PRKDC: variants seen among roughly 807,000 people sequenced by gnomAD.
PRKDC encodes protein kinase, DNA-activated, catalytic subunit.
Under a neutral mutation model 486.9 loss-of-function variants are expected in PRKDC, and 82 were observed. The ratio of observed to expected loss-of-function variants is 0.17; its 90% CI spans 0.14 to 0.20. PRKDC has a LOEUF of 0.20. PRKDC is among the 10% of genes least tolerant of loss of function. PRKDC has a pLI of 1.00. For missense variants in PRKDC, 4,504 were observed against 5,038.2 expected (o/e 0.89, Z 3.21); for synonymous variants, 1,895 against 1,837.0 (o/e 1.03, Z -0.81).
Position 47,890,694 on chromosome 8 carries a change from C to T in PRKDC, c.3848-214G>A, listed in dbSNP as rs1279848376. ...ATTGATGGAAAGTCAGGTCTTTATT[C>T]CCAAACATTACATGTGAGAAGATAA... On this transcript the variant is annotated intron_variant, in intron 31 of 85. Transcript: ENST00000314191. 5.3e-5 allele frequency among the ~76,000 whole-genome samples: 8 copies of T among 152,210 alleles called. No homozygotes were observed. In the South Asian group the frequency reaches 1.7e-3, roughly 32 times the overall value.
chr8:47,829,073 A>C (rs992727297), intron 61 of PRKDC, among the ~76,000 whole-genome samples: 5 of 152,252 alleles, frequency 3.3e-5, no homozygotes, highest in African/African-American at 4.8e-5. Flanking sequence ...AAGCATGATA[A>C]ATAAAGTTTA....
In PRKDC at chr8:47,840,226, A is replaced by G. The variant is rs8178174; in HGVS notation, c.7281-37T>C. 293 of 1,512,780 alleles carry G rather than the reference A, an allele frequency of 1.9e-4. No individual in the cohort carries two copies. In the African/African-American group the frequency reaches 3.7e-3, roughly 19 times the overall value. The allele number at this position is 1,512,780 out of a possible 1,614,324, so 93.7% of individuals were successfully genotyped here. A position where few individuals can be genotyped will look rare whatever the true frequency, so the allele number is the denominator to read the frequency against. ...ATTTTAAAAACACACAAATTTAGCT[A>G]TTTTTATTATTGCACTTTCAAAGTA... On this transcript the variant is annotated intron_variant, in intron 54 of 85. Transcript: ENST00000314191.
At chr8:47,930,647 A>C (rs996924650) in intron 17 of PRKDC, 25 bp downstream of exon 17, 1 of 1,526,244 alleles carries the variant, frequency 6.6e-7, no homozygotes, top group Non-Finnish European at 8.9e-7. Context: ...TTTCATTCTT[A>C]AATAATTAGA....
chr8:47,908,594 G>A (rs768917475), intron 25 of PRKDC, among the ~76,000 whole-genome samples: 5 of 152,130 alleles, frequency 3.3e-5, no homozygotes, highest in African/African-American at 4.8e-5. Flanking sequence ...GAAATGCTAC[G>A]AGTCTACTTT....
chr8:47,833,320 G>A (rs1389742350), intron 59 of PRKDC, among the ~76,000 whole-genome samples: 1 of 152,186 alleles, frequency 6.6e-6, no homozygotes, highest in Non-Finnish European at 1.5e-5. Flanking sequence ...GTTCTTCTAA[G>A]TTTACTTCCA....
At chr8:47,832,026 G>A (rs922755443) in intron 59 of PRKDC, 100 bp from the exon 60 acceptor site, 4 of 1,063,988 alleles carry the variant, frequency 3.8e-6, no homozygotes, top group Admixed American at 2.0e-5. Flanking sequence ...AAACCTACAG[G>A]TGCCGCAGAG....
chr8:47,794,330 C>T lies in PRKDC; in HGVS notation c.10630G>A (p.Asp3544Asn), dbSNP rs189595774. The T allele has an allele frequency of 5.0e-6, 8 of 1,613,310 alleles. No homozygotes were observed. In the South Asian group the frequency reaches 8.8e-5, roughly 18 times the overall value. Reference protein sequence around the residue: ...IISSESYSFKDTSTGHKNKEF... With the variant: ...IISSESYSFKNTSTGHKNKEF... ...TTATTCTTATGACCAGTAGAAGTATCCTTGAAGGAATAGCTTTCGCTGCTT... is the reference window on the plus strand; with the variant it reads ...TTATTCTTATGACCAGTAGAAGTATTCTTGAAGGAATAGCTTTCGCTGCTT... The change falls in exon 74 of 86, where the codon GAT becomes AAT. Residue 3544 changes from aspartate to asparagine, a missense_variant. By Grantham distance (23) the Asp-to-Asn change is conservative (BLOSUM62 1). Around this residue, in one of 6 missense-constraint regions of PRKDC, gnomAD observed 706 missense variants for 945.0 expected, o/e 0.75. Transcript: ENST00000314191.
chr8:47,893,051 T>G (rs1018168217), intron 31 of PRKDC, 88 bp downstream of exon 31: 10 of 1,429,498 alleles, frequency 7.0e-6, no homozygotes, highest in Middle Eastern at 2.1e-4. Flanking sequence ...CCTACCATCA[T>G]GTCGCTGGGA....
chr8:47,817,901 A>G (rs1214774013), intron 67 of PRKDC, among the ~76,000 whole-genome samples: 1 of 152,228 alleles, frequency 6.6e-6, no homozygotes, highest in Non-Finnish European at 1.5e-5. Flanking sequence ...TTGGCAAAAA[A>G]AATCTGATCT....
chr8:47,831,792 A>G lies in PRKDC; in HGVS notation c.8265+22T>C, dbSNP rs372048983. The G allele has an allele frequency of 2.2e-5, 36 of 1,609,912 alleles. No homozygotes were observed. The African/African-American group carries it at 4.5e-4, about 20-fold the overall frequency. ...TGACAGAAACTGCATCGTTCTGATC[A>G]AATTCTTGACAAGATACAAACCTTC... On this transcript the variant is annotated intron_variant, in intron 60 of 85. Transcript: ENST00000314191.
At chr8:47,831,729 T>C in intron 60 of PRKDC, 85 bp downstream of exon 60, 1 of 1,414,160 alleles carries the variant, frequency 7.1e-7, no homozygotes, top group South Asian at 1.2e-5. Context: ...TTGGAGGCAG[T>C]GTCTGGCAGG....
chr8:47,905,024 T>C (rs779889131), intron 25 of PRKDC, 48 bp from the exon 26 acceptor site: 1 of 1,358,810 alleles, frequency 7.4e-7, no homozygotes, highest in Non-Finnish European at 1.0e-6. Flanking sequence ...GTTAAAGAAA[T>C]GTTACGCTGT....
chr8:47,815,038 C>T (rs116905201), intron 68 of PRKDC, among the ~76,000 whole-genome samples: 5,293 of 152,052 alleles, frequency 0.035, 150 homozygotes, highest in Middle Eastern at 0.085. Context: ...TGGTGGCGCA[C>T]GCCTGTGGTC....
At chr8:47,877,891 T>C (rs1035321455) in intron 39 of PRKDC, 40 bp from the exon 40 acceptor site, 1 of 1,383,158 alleles carries the variant, frequency 7.2e-7, no homozygotes, top group Non-Finnish European at 9.5e-7. Flanking sequence ...TTTTGTTGGG[T>C]TTTACTTTTG....
intron 21 of PRKDC, among the ~76,000 whole-genome samples, chr8:47,925,586 A>T (rs2154503337): frequency 6.6e-6 from 1 of 152,364 alleles, no homozygotes; most frequent in African/African-American, 2.4e-5. Context: ...AAATGTGCCT[A>T]TTGACTGTTA....
intron 74 of PRKDC, 74 bp from the exon 75 acceptor site, chr8:47,789,312 C>T (rs1288727157): frequency 3.4e-5 from 21 of 613,586 alleles, no homozygotes; most frequent in Non-Finnish European, 4.2e-5. Flanking sequence ...ATATACCATA[C>T]ATATATAAGT....
chr8:47,855,688 C>G (rs1039487638), intron 49 of PRKDC, among the ~76,000 whole-genome samples: 1 of 152,224 alleles, frequency 6.6e-6, no homozygotes, highest in East Asian at 1.9e-4. Context: ...GGACAGGGGT[C>G]GCCTGCAGGG....
intron 11 of PRKDC, among the ~76,000 whole-genome samples, chr8:47,938,576 A>T (rs886685487): frequency 5.9e-5 from 9 of 152,026 alleles, no homozygotes; most frequent in East Asian, 3.9e-4. Flanking sequence ...TTAAAAAAAA[A>T]TTTTTAAGAG....
At chr8:47,841,313 C>T (rs941195539) in intron 54 of PRKDC, among the ~76,000 whole-genome samples, 1 of 152,138 alleles carries the variant, frequency 6.6e-6, no homozygotes, top group African/African-American at 2.4e-5. Flanking sequence ...TCTCACCTTG[C>T]TCTGAGTCAC....
Sources: allele counts gnomAD v4.1 joint callset (sites outside exome capture counted in the v4.1 genomes callset), GRCh38; gene constraint gnomAD v4.1.1; regional missense constraint gnomAD v4.1.1; transcripts MANE v1.5; gene names NCBI Gene and HGNC (gene_info 2026-07-23, HGNC 2026-07-21).